Variants in SLC7A14 observed in about 807,000 individuals in gnomAD.
The protein encoded by SLC7A14 is gamma-aminobutyric acid transporter SLC7A14.
Under a neutral mutation model 60.2 loss-of-function variants are expected in SLC7A14, and 37 were observed. That is an observed-to-expected ratio of 0.61 (90% CI 0.47 to 0.81). The LOEUF (loss-of-function observed/expected upper bound fraction) is 0.81, where lower values mean the gene tolerates loss of function less well. SLC7A14 is among the 30% of genes least tolerant of loss of function. The pLI is 0.00. For synonymous variants in SLC7A14, 399 were observed against 395.8 expected, an observed-to-expected ratio of 1.01 and a Z score of -0.10; for missense variants, 886 against 982.7, an observed-to-expected ratio of 0.90 and a Z score of 1.32.
intron 2 of SLC7A14, among the ~76,000 whole-genome samples, chr3:170,522,974 G>A (rs901003064): frequency 4.6e-5 from 7 of 152,106 alleles, no homozygotes; most frequent in African/African-American, 9.7e-5. Context: ...CATTTTCCAC[G>A]TATGTGAAAT....
At chr3:170,578,764 T>A (rs1209737190) in intron 1 of SLC7A14, among the ~76,000 whole-genome samples, 1 of 152,206 alleles carries the variant, frequency 6.6e-6, no homozygotes, top group Non-Finnish European at 1.5e-5. Flanking sequence ...AGGCAAATAA[T>A]GGATTATTCA....
intron 7 of SLC7A14, among the ~76,000 whole-genome samples, chr3:170,479,946 T>C (rs931043323): frequency 6.6e-6 from 1 of 152,262 alleles, no homozygotes; most frequent in Non-Finnish European, 1.5e-5. Flanking sequence ...CCAAATGCCC[T>C]GACCCCAATT....
intron 2 of SLC7A14, among the ~76,000 whole-genome samples, chr3:170,508,433 T>A (rs1179964707): frequency 1.3e-5 from 2 of 152,190 alleles, no homozygotes; most frequent in African/African-American, 4.8e-5. Context: ...TATTAGGTAT[T>A]TTGCGCATAC....
chr3:170,548,623 C>A (rs755132379), intron 1 of SLC7A14, among the ~76,000 whole-genome samples: 1 of 152,226 alleles, frequency 6.6e-6, no homozygotes. Context: ...AATAAAAGCA[C>A]AGATGCAGCT....
chr3:170,528,878 TG>T (rs1282673758), intron 1 of SLC7A14, among the ~76,000 whole-genome samples: 2 of 152,120 alleles, frequency 1.3e-5, no homozygotes, highest in East Asian at 3.8e-4. Context: ...TGAGGTCTTG[TG>T]GGGACATGAA....
Position 170,500,576 on chromosome 3 carries a change from C to T in SLC7A14, c.541+533G>A, listed in dbSNP as rs540697961. ...TTACCCCTCCCTGACCTCTTCTAGGCTGGAACCCATTTTATTCATTAAATT... is the reference window on the plus strand; with the variant it reads ...TTACCCCTCCCTGACCTCTTCTAGGTTGGAACCCATTTTATTCATTAAATT... On this transcript the variant is annotated intron_variant, in intron 3 of 7. Transcript: ENST00000231706. 2.0e-5 allele frequency among the ~76,000 whole-genome samples: 3 copies of T among 151,676 alleles called. No individual in the cohort carries two copies. The South Asian group carries it at 6.2e-4, about 32-fold the overall frequency.
chr3:170,518,963 T>G (rs751457273), intron 2 of SLC7A14, among the ~76,000 whole-genome samples: 1 of 152,144 alleles, frequency 6.6e-6, no homozygotes, highest in Non-Finnish European at 1.5e-5. Context: ...GTACTATATC[T>G]CCCATCTCTG....
intron 2 of SLC7A14, among the ~76,000 whole-genome samples, chr3:170,522,609 A>G (rs1325290999): frequency 6.6e-6 from 1 of 152,204 alleles, no homozygotes; most frequent in African/African-American, 2.4e-5. Flanking sequence ...GACTGAAAAC[A>G]AATTAGTGGT....
At chr3:170,486,427 A>G in intron 4 of SLC7A14, 59 bp from the exon 5 acceptor site, 3 of 1,610,830 alleles carry the variant, frequency 1.9e-6, no homozygotes, top group Non-Finnish European at 2.5e-6. Flanking sequence ...TGGGTCTTAA[A>G]TGTGGAAAGT....
In SLC7A14 at chr3:170,535,982, G is replaced by A. The variant is rs145023607; in HGVS notation, c.-152-8894C>T. Among the ~76,000 whole-genome samples, 112 of 152,196 alleles carry A rather than the reference G, an allele frequency of 7.4e-4. No homozygotes were observed. The highest frequency in any genetic ancestry group is 1.2e-3 in the Non-Finnish European group (82 of 68,018). ...TGACTGATACATGGGTATATTAGAC[G>A]GCTGAGATAGATTCAGGAAATCAAC... On this transcript the variant is annotated intron_variant, in intron 1 of 7. Coordinates refer to ENST00000231706, the MANE Select transcript of SLC7A14 (RefSeq NM_020949.3). The surrounding 1 kb of genome is among the most constrained non-coding windows in gnomAD (Gnocchi z 4.3).
intron 4 of SLC7A14, among the ~76,000 whole-genome samples, chr3:170,487,832 C>T (rs1363944603): frequency 6.6e-6 from 1 of 152,162 alleles, no homozygotes; most frequent in African/African-American, 2.4e-5. Context: ...TTTTCACTAC[C>T]TTCTAGTTGA....
chr3:170,554,446 G>A (rs906873741), intron 1 of SLC7A14, among the ~76,000 whole-genome samples: 1 of 152,200 alleles, frequency 6.6e-6, no homozygotes, highest in Non-Finnish European at 1.5e-5. Context: ...GGGGCCATGT[G>A]GAAATTGCAC....
intron 2 of SLC7A14, among the ~76,000 whole-genome samples, chr3:170,501,728 T>C (rs1712615312): frequency 6.6e-6 from 1 of 152,222 alleles, no homozygotes; most frequent in Non-Finnish European, 1.5e-5. Flanking sequence ...AAACTTCTTC[T>C]CTTTCAGTTT....
chr3:170,484,796 A>G (rs1294963093), intron 5 of SLC7A14, among the ~76,000 whole-genome samples: 3 of 152,102 alleles, frequency 2.0e-5, no homozygotes, highest in African/African-American at 7.2e-5. Flanking sequence ...ATGAAAGAGA[A>G]TGTTTCCTAG....
In SLC7A14 at chr3:170,470,801, T is replaced by A. The variant is rs558026164; in HGVS notation, c.1994-3424A>T. Among the ~76,000 whole-genome samples, 61 of 152,254 alleles carry A rather than the reference T, an allele frequency of 4.0e-4. No homozygotes were observed. In the South Asian group the frequency reaches 4.4e-3, roughly 11 times the overall value. On this transcript the variant is annotated intron_variant, in intron 7 of 7. Coordinates refer to ENST00000231706, the MANE Select transcript of SLC7A14 (RefSeq NM_020949.3). ...GTCCCACATAAACAAGGGCTTTGTG[T>A]CGGAGGAGTAAACAGAGCTGCTCCA...
chr3:170,579,488 T>C lies in SLC7A14; in HGVS notation c.-153+6423A>G, dbSNP rs546900425. Among the ~76,000 whole-genome samples, 3 of 152,356 alleles carry C rather than the reference T, an allele frequency of 2.0e-5. No individual in the cohort carries two copies. In the East Asian group the frequency reaches 5.8e-4, roughly 29 times the overall value. ...AACCAGCTTGATCATTTGTTGTTCA[T>C]TGGGTTGGAATATTTTGCCTTTGGC... On this transcript the variant is annotated intron_variant, in intron 1 of 7. Coordinates refer to ENST00000231706, the MANE Select transcript of SLC7A14 (RefSeq NM_020949.3).
intron 1 of SLC7A14, among the ~76,000 whole-genome samples, chr3:170,555,009 A>T (rs1254319867): frequency 6.6e-6 from 1 of 151,926 alleles, no homozygotes; most frequent in Non-Finnish European, 1.5e-5. Context: ...TCTACTAAAA[A>T]CACAAAAAAT....
intron 2 of SLC7A14, among the ~76,000 whole-genome samples, chr3:170,523,109 A>G (rs915584115): frequency 1.3e-5 from 2 of 152,256 alleles, no homozygotes; most frequent in Non-Finnish European, 2.9e-5. Context: ...TGTGCTCGGC[A>G]ATGTACCAGG....
chr3:170,470,072 A>T (rs987475641), intron 7 of SLC7A14, among the ~76,000 whole-genome samples: 8 of 152,190 alleles, frequency 5.3e-5, no homozygotes, highest in Non-Finnish European at 1.0e-4. Context: ...ATGCATTCTA[A>T]AACCTTCATT....
Sources: gnomAD v4.1 joint callset for allele counts (sites outside exome capture counted in the v4.1 genomes callset) on GRCh38, gnomAD v4.1.1 for gene constraint, Gnocchi (gnomAD v3.1) non-coding constraint, MANE v1.5 for transcripts, NCBI Gene and HGNC (gene_info 2026-07-23, HGNC 2026-07-21) for gene names.